The following NR3C2 variants were observed in gnomAD, a reference collection of about 807,000 sequenced individuals.
NR3C2 encodes the protein mineralocorticoid receptor.
In NR3C2, 15 loss-of-function variants were observed where a neutral mutation model predicts 86.4. That is an observed-to-expected ratio of 0.17 (90% CI 0.12 to 0.27). The LOEUF (loss-of-function observed/expected upper bound fraction) is 0.27, where lower values mean the gene tolerates loss of function less well. Among genes scored for constraint, NR3C2 ranks in the 10% least tolerant of loss-of-function variants. The pLI is 1.00. For missense variants in NR3C2, 960 were observed against 1,195.6 expected (o/e 0.80, Z 2.91); for synonymous variants, 458 against 450.5 (o/e 1.02, Z -0.21).
intron 3 of NR3C2, among the ~76,000 whole-genome samples, chr4:148,220,627 G>A (rs530473315): frequency 6.6e-6 from 1 of 152,062 alleles, no homozygotes; most frequent in Non-Finnish European, 1.5e-5. Flanking sequence ...GCAACATAGC[G>A]AGACGCTGTC....
intron 2 of NR3C2, among the ~76,000 whole-genome samples, chr4:148,422,774 T>C (rs1749343215): frequency 6.6e-6 from 1 of 152,184 alleles, no homozygotes. Context: ...TTCCATTTCC[T>C]GGGGGTATTT....
intron 2 of NR3C2, among the ~76,000 whole-genome samples, chr4:148,321,409 C>G (rs1419661126): frequency 6.6e-6 from 1 of 151,416 alleles, no homozygotes; most frequent in Non-Finnish European, 1.5e-5. Flanking sequence ...TGGTGCAGAG[C>G]TGAGTTCAAT....
At chr4:148,179,430 T>C (rs1735546057) in intron 4 of NR3C2, among the ~76,000 whole-genome samples, 1 of 151,592 alleles carries the variant, frequency 6.6e-6, no homozygotes, top group South Asian at 2.1e-4. Context: ...CAACAGAGGG[T>C]ATCTGTATAC....
intron 6 of NR3C2, among the ~76,000 whole-genome samples, chr4:148,132,727 T>C (rs1028197209): frequency 2.0e-5 from 3 of 152,200 alleles, no homozygotes; most frequent in Admixed American, 6.5e-5. Context: ...CAAACCTCAC[T>C]GAAAACAGCA....
chr4:148,105,636 C>T (rs536087637), intron 8 of NR3C2, among the ~76,000 whole-genome samples: 4 of 152,306 alleles, frequency 2.6e-5, no homozygotes, highest in African/African-American at 7.2e-5. Flanking sequence ...CAATAAAATA[C>T]TAGCAAACCG....
At chr4:148,120,697 G>C (rs1732471742) in intron 6 of NR3C2, among the ~76,000 whole-genome samples, 1 of 152,190 alleles carries the variant, frequency 6.6e-6, no homozygotes, top group Non-Finnish European at 1.5e-5. Context: ...GGAAAGGACT[G>C]GGCTAGATGC....
At chr4:148,364,243 G>A (rs564285794) in intron 2 of NR3C2, among the ~76,000 whole-genome samples, 16 of 152,102 alleles carry the variant, frequency 1.1e-4, no homozygotes, top group South Asian at 2.1e-4. Flanking sequence ...GAGGAGCTTC[G>A]CCATACTACT....
At chr4:148,142,526 GCT>G (rs1733662318) in intron 6 of NR3C2, among the ~76,000 whole-genome samples, 1 of 152,084 alleles carries the variant, frequency 6.6e-6, no homozygotes, top group Admixed American at 6.5e-5. Flanking sequence ...GCCTCGTTTT[GCT>G]CTGTCACCCA....
At chr4:148,258,261 A>C (rs1242341683) in intron 3 of NR3C2, among the ~76,000 whole-genome samples, 3 of 152,196 alleles carry the variant, frequency 2.0e-5, no homozygotes, top group African/African-American at 7.2e-5. Context: ...TTACATTGGA[A>C]AGCACAAAGT....
At chr4:148,317,239 C>T (rs543504591) in intron 2 of NR3C2, among the ~76,000 whole-genome samples, 1 of 151,982 alleles carries the variant, frequency 6.6e-6, no homozygotes, top group Admixed American at 6.5e-5. Context: ...CCTGTAATCC[C>T]AGCTACTTGT....
chr4:148,135,495 A>G (rs1733256650), intron 6 of NR3C2, among the ~76,000 whole-genome samples: 1 of 152,182 alleles, frequency 6.6e-6, no homozygotes, highest in Non-Finnish European at 1.5e-5. Context: ...TGAACTTCTC[A>G]GCCTCTAGGA....
chr4:148,320,886 G>A (rs75538089), intron 2 of NR3C2, among the ~76,000 whole-genome samples: 40,836 of 147,186 alleles, frequency 0.28, 6,883 homozygotes, highest in East Asian at 0.53. Context: ...CTTCAGTTCT[G>A]CTCTGATTTT....
At chr4:148,393,657 T>G (rs952683229) in intron 2 of NR3C2, among the ~76,000 whole-genome samples, 12 of 152,196 alleles carry the variant, frequency 7.9e-5, no homozygotes, top group Non-Finnish European at 5.9e-5. Context: ...ATTTTGTTAA[T>G]AAGAAGACAG....
intron 2 of NR3C2, among the ~76,000 whole-genome samples, chr4:148,333,471 G>A (rs186000631): frequency 1.4e-4 from 22 of 151,962 alleles, no homozygotes; most frequent in African/African-American, 4.1e-4. Context: ...ATATAACCAT[G>A]TGACTAAGTT....
intron 3 of NR3C2, 94 bp from the exon 4 acceptor site, chr4:148,194,956 G>A (rs72653857): frequency 1.1e-6 from 1 of 928,978 alleles, no homozygotes; most frequent in African/African-American, 1.7e-5. Context: ...CTTCTTTCCT[G>A]CCTTGAAATC....
At chr4:148,317,982 G>A (rs568479066) in intron 2 of NR3C2, among the ~76,000 whole-genome samples, 7 of 149,034 alleles carry the variant, frequency 4.7e-5, no homozygotes, top group South Asian at 2.1e-4. Context: ...CCACTAACTC[G>A]TCATCTAGCA....
intron 3 of NR3C2, among the ~76,000 whole-genome samples, chr4:148,256,881 C>T (rs1277859381): frequency 1.3e-5 from 2 of 152,132 alleles, no homozygotes; most frequent in Non-Finnish European, 1.5e-5. Flanking sequence ...AACACACATA[C>T]ATCCCATTAA....
At chr4:148,234,448 G>T (rs1051848240) in intron 3 of NR3C2, among the ~76,000 whole-genome samples, 2 of 152,096 alleles carry the variant, frequency 1.3e-5, no homozygotes, top group African/African-American at 4.8e-5. Context: ...GAGGTGGGCA[G>T]ATCACGAGGT....
rs72656875 is a variant in NR3C2 at position 148,384,026 on chromosome 4, T to A, written c.1757+51078A>T. Among the ~76,000 whole-genome samples the A allele has an allele frequency of 1.6e-3, 242 of 151,148 alleles. 1 individual carries two copies. The highest frequency in any genetic ancestry group is 5.5e-3 in the African/African-American group (227 of 41,170). On this transcript the variant is annotated intron_variant, in intron 2 of 8. Coordinates refer to ENST00000358102, the MANE Select transcript of NR3C2 (RefSeq NM_000901.5). Reference sequence around the variant, plus strand: ...GGAACTACACATTTAGTAAAATAATTGGGTTTTTGTTGGTTTGTAAGAACC... The same window carrying A: ...GGAACTACACATTTAGTAAAATAATAGGGTTTTTGTTGGTTTGTAAGAACC...
Sources: allele counts gnomAD v4.1 joint callset (sites outside exome capture counted in the v4.1 genomes callset), GRCh38; gene constraint gnomAD v4.1.1; transcripts MANE v1.5; gene names NCBI Gene and HGNC (gene_info 2026-07-23, HGNC 2026-07-21).